Variants in CNTNAP2 observed in about 807,000 individuals in gnomAD.
CNTNAP2 encodes the protein contactin-associated protein-like 2.
In CNTNAP2, 98 loss-of-function variants were observed where a neutral mutation model predicts 155.2. The ratio of observed to expected loss-of-function variants is 0.63; its 90% CI spans 0.54 to 0.75. CNTNAP2 has a LOEUF of 0.75. Ranked by LOEUF, CNTNAP2 falls within the 30% of genes least tolerant of loss-of-function variation. The pLI is 0.00. For missense variants in CNTNAP2, 1,727 were observed against 1,688.1 expected (o/e 1.02, Z -0.40); for synonymous variants, 651 against 631.2 (o/e 1.03, Z -0.47).
intron 8 of CNTNAP2, among the ~76,000 whole-genome samples, chr7:147,250,671 G>A (rs1804178169): frequency 6.6e-6 from 1 of 151,956 alleles, no homozygotes; most frequent in Non-Finnish European, 1.5e-5. Flanking sequence ...CTGGCCTGAA[G>A]GTGATGATCT....
intron 21 of CNTNAP2, among the ~76,000 whole-genome samples, chr7:148,285,863 TG>T (rs1408669340): frequency 6.6e-6 from 1 of 152,170 alleles, no homozygotes; most frequent in African/African-American, 2.4e-5. Context: ...GTCAAAATTT[TG>T]CATACAACTT....
Position 146,223,233 on chromosome 7 carries a change from G to C in CNTNAP2, c.97+106260G>C, listed in dbSNP as rs760352767. ...GAGTTGAAACTAGCCAGTCTGTAGA[G>C]ACTCGCATATTTCATGCCAAGATGT... is the stretch of plus-strand genomic sequence containing the variant. On this transcript the variant is annotated intron_variant, in intron 1 of 23. Coordinates refer to ENST00000361727, the MANE Select transcript of CNTNAP2 (RefSeq NM_014141.6). Among the ~76,000 whole-genome samples, 37 of 152,322 alleles carry C rather than the reference G, an allele frequency of 2.4e-4. No individual in the cohort carries two copies. In the Middle Eastern group the frequency reaches 0.01, roughly 42 times the overall value.
intron 2 of CNTNAP2, among the ~76,000 whole-genome samples, chr7:146,782,947 A>G (rs911800273): frequency 2.0e-5 from 3 of 152,148 alleles, no homozygotes; most frequent in South Asian, 2.1e-4. Context: ...TTGCCAATGT[A>G]TGTGTGTTTT....
chr7:146,171,127 A>G (rs1798384017), intron 1 of CNTNAP2, among the ~76,000 whole-genome samples: 1 of 152,152 alleles, frequency 6.6e-6, no homozygotes, highest in Non-Finnish European at 1.5e-5. Context: ...TTGTTTTTTC[A>G]TTATATTCTG....
chr7:146,875,945 A>T (rs1795415632), intron 3 of CNTNAP2, among the ~76,000 whole-genome samples: 1 of 144,806 alleles, frequency 6.9e-6, no homozygotes, highest in African/African-American at 2.7e-5. Flanking sequence ...AAAAAAAAAA[A>T]AAAAAAAAAA....
At chr7:148,158,222 C>T (rs1585157558) in intron 17 of CNTNAP2, among the ~76,000 whole-genome samples, 30 of 94,800 alleles carry the variant, frequency 3.2e-4, no homozygotes, top group East Asian at 6.6e-4. Context: ...AATGTTTGCG[C>T]TTTTTTTTTT....
intron 14 of CNTNAP2, among the ~76,000 whole-genome samples, chr7:147,906,203 T>C (rs562929676): frequency 5.3e-5 from 8 of 152,270 alleles, no homozygotes; most frequent in African/African-American, 1.9e-4. Context: ...ACATAGATTT[T>C]TTTTTTGAGA....
At chr7:146,381,131 C>T (rs957626135) in intron 1 of CNTNAP2, among the ~76,000 whole-genome samples, 1 of 152,070 alleles carries the variant, frequency 6.6e-6, no homozygotes, top group Non-Finnish European at 1.5e-5. Flanking sequence ...CCCACAATGA[C>T]TCTGGGCTTG....
chr7:146,737,559 G>T lies in CNTNAP2; in HGVS notation c.98-36712G>T, dbSNP rs1036380860. On this transcript the variant is annotated intron_variant, in intron 1 of 23. Transcript: ENST00000361727. ...TTATGCATAAAGTGCCTTATGTACA[G>T]GTTATACATAACGTACCTTATTATA... Among the ~76,000 whole-genome samples the T allele has an allele frequency of 3.9e-5, 6 of 152,034 alleles. No homozygotes were observed. The East Asian group carries it at 9.6e-4, about 24-fold the overall frequency.
chr7:146,533,398 C>G (rs1194898719), intron 1 of CNTNAP2, among the ~76,000 whole-genome samples: 2 of 151,746 alleles, frequency 1.3e-5, no homozygotes, highest in African/African-American at 4.8e-5. Context: ...GATAAAGCAA[C>G]CAAGGGAAAA....
At chr7:147,794,718 G>C (rs77137234) in intron 13 of CNTNAP2, among the ~76,000 whole-genome samples, 2,565 of 150,904 alleles carry the variant, frequency 0.017, 70 homozygotes, top group African/African-American at 0.058. Context: ...AGTGAAGCTT[G>C]TACTTTTCTT....
At chr7:147,544,238 C>T (rs1285083168) in intron 11 of CNTNAP2, among the ~76,000 whole-genome samples, 1 of 152,060 alleles carries the variant, frequency 6.6e-6, no homozygotes, top group Non-Finnish European at 1.5e-5. Context: ...AGTTATGGCA[C>T]ATACAAACTG....
chr7:148,234,061 G>A (rs1328371584), intron 20 of CNTNAP2, among the ~76,000 whole-genome samples: 2 of 152,174 alleles, frequency 1.3e-5, no homozygotes, highest in Non-Finnish European at 2.9e-5. Flanking sequence ...AGAACTGTGA[G>A]TCAATTAAAC....
chr7:147,869,756 T>C (rs1346474269), intron 13 of CNTNAP2, among the ~76,000 whole-genome samples: 1 of 152,208 alleles, frequency 6.6e-6, no homozygotes, highest in Non-Finnish European at 1.5e-5. Context: ...GCCTATGGAA[T>C]GATGTAAAAC....
intron 1 of CNTNAP2, among the ~76,000 whole-genome samples, chr7:146,577,528 AT>A (rs1276799221): frequency 3.3e-5 from 5 of 152,090 alleles, no homozygotes; most frequent in African/African-American, 1.2e-4. Flanking sequence ...AGACTTTTAA[AT>A]TTTTTTTGTT....
chr7:148,341,523 T>C (rs1299774355), intron 21 of CNTNAP2, among the ~76,000 whole-genome samples: 3 of 152,134 alleles, frequency 2.0e-5, no homozygotes, highest in African/African-American at 7.2e-5. Context: ...TACCTAACAT[T>C]ATCCCCATTT....
intron 1 of CNTNAP2, among the ~76,000 whole-genome samples, chr7:146,482,462 A>G (rs1395826288): frequency 6.6e-6 from 1 of 151,806 alleles, no homozygotes; most frequent in Non-Finnish European, 1.5e-5. Context: ...TACTCACATT[A>G]GGTTGGTCAC....
chr7:148,310,363 T>TGGA (rs1797571529), intron 21 of CNTNAP2, among the ~76,000 whole-genome samples: 1 of 152,224 alleles, frequency 6.6e-6, no homozygotes, highest in Admixed American at 6.5e-5. Flanking sequence ...TCAGCGGTTT[T>TGGA]GGAGGACAAC....
intron 3 of CNTNAP2, among the ~76,000 whole-genome samples, chr7:146,895,632 A>T (rs1477404999): frequency 6.6e-6 from 1 of 152,136 alleles, no homozygotes; most frequent in Admixed American, 6.6e-5. Context: ...ATGGGATATA[A>T]TCACGTGGAA....
Sources: allele counts gnomAD v4.1 joint callset (sites outside exome capture counted in the v4.1 genomes callset), GRCh38; gene constraint gnomAD v4.1.1; transcripts MANE v1.5; gene names NCBI Gene and HGNC (gene_info 2026-07-23, HGNC 2026-07-21).